The following CFAP61 variants were observed in gnomAD, a reference collection of about 807,000 sequenced individuals.
CFAP61 encodes the protein cilia- and flagella-associated protein 61.
CFAP61 carries 107 observed loss-of-function variants against 135.6 expected under a neutral mutation model. The observed-to-expected ratio is 0.79, with a 90% CI of 0.67 to 0.93. The LOEUF (loss-of-function observed/expected upper bound fraction) is 0.93. Ranked by LOEUF, CFAP61 falls within the 40% of genes least tolerant of loss-of-function variation. CFAP61 has a pLI of 0.00. For missense variants in CFAP61, 1,507 were observed against 1,556.2 expected (o/e 0.97, Z 0.53); for synonymous variants, 575 against 578.5 (o/e 0.99, Z 0.09).
intron 8 of CFAP61, among the ~76,000 whole-genome samples, chr20:20,117,807 C>A (rs1295694280): frequency 1.3e-5 from 2 of 151,828 alleles, no homozygotes; most frequent in Non-Finnish European, 2.9e-5. Flanking sequence ...TCTTTCATTT[C>A]TTTGGTGAAA....
intron 25 of CFAP61, among the ~76,000 whole-genome samples, chr20:20,312,788 A>C (rs2056906055): frequency 6.6e-6 from 1 of 152,248 alleles, no homozygotes; most frequent in Non-Finnish European, 1.5e-5. Context: ...AAAACAGTGG[A>C]GCAACATTGT....
chr20:20,082,646 G>C (rs778438598), intron 6 of CFAP61, among the ~76,000 whole-genome samples: 4 of 152,178 alleles, frequency 2.6e-5, no homozygotes, highest in African/African-American at 9.6e-5. Context: ...TTCAAACAAT[G>C]TTGTGAAATA....
At chr20:20,214,410 C>T (rs1274095980) in intron 17 of CFAP61, 1 of 152,240 alleles carries the variant, frequency 6.6e-6, no homozygotes, top group Non-Finnish European at 1.5e-5. Flanking sequence ...GAATGGTCAC[C>T]CCCTCCTCAG....
rs2055618547 is a variant in CFAP61 at position 20,187,798 on chromosome 20, C to G, written c.1386-132C>G. 3 of 661,306 alleles carry G rather than the reference C, an allele frequency of 4.5e-6. No individual in the cohort carries two copies. The Admixed American group carries it at 8.6e-5, about 19-fold the overall frequency. 41.0% of individuals were successfully genotyped at this position (661,306 alleles called of 1,614,324 possible). On this transcript the variant is annotated intron_variant, in intron 13 of 26. Transcript: ENST00000245957. ...TGAGTTACTTTTATAATTACTCAAA[C>G]CCCAGTGTTATATAAACATACTTTA...
chr20:20,289,018 C>T, intron 23 of CFAP61, 82 bp downstream of exon 23: 2 of 1,168,414 alleles, frequency 1.7e-6, no homozygotes, highest in Non-Finnish European at 2.4e-6. Flanking sequence ...CCAGGTTTCT[C>T]TTAGGCTTGG....
chr20:20,176,393 C>G (rs749301401), intron 13 of CFAP61, among the ~76,000 whole-genome samples: 2 of 108,086 alleles, frequency 1.9e-5, no homozygotes, highest in East Asian at 2.0e-4. Flanking sequence ...ATTTTACATG[C>G]ACGCATATGT....
intron 8 of CFAP61, among the ~76,000 whole-genome samples, chr20:20,127,353 T>C (rs781235449): frequency 4.6e-5 from 7 of 151,760 alleles, no homozygotes; most frequent in Non-Finnish European, 7.3e-5. Context: ...GTAGGCTCTG[T>C]CAGAGGGAAA....
intron 15 of CFAP61, among the ~76,000 whole-genome samples, chr20:20,193,087 T>G (rs1336081400): frequency 1.3e-5 from 2 of 152,164 alleles, no homozygotes; most frequent in East Asian, 1.9e-4. Flanking sequence ...GTGGTCATCT[T>G]AGGATTCTTT....
intron 25 of CFAP61, among the ~76,000 whole-genome samples, chr20:20,300,105 C>T (rs73285373): frequency 0.038 from 5,805 of 152,242 alleles, 379 homozygotes; most frequent in African/African-American, 0.13. Flanking sequence ...ACATGACTCA[C>T]GTGTTTGTGG....
chr20:20,296,320 T>TTCCCTTCCTTCCTTCCTTCCC lies in CFAP61; in HGVS notation c.3217-1858_3217-1857insCTTCCTTCCTTCCTTCCCTCC, dbSNP rs1377580319. Among the ~76,000 whole-genome samples, 12 of 54,716 alleles carry TTCCCTTCCTTCCTTCCTTCCC rather than the reference T, an allele frequency of 2.2e-4. 1 individual carries two copies. In the East Asian group the frequency reaches 4.6e-3, roughly 21 times the overall value. 35.9% of individuals were successfully genotyped at this position (54,716 alleles called of 152,430 possible). A position where few individuals can be genotyped will look rare whatever the true frequency, so the allele number is the denominator to read the frequency against. Reference sequence around the variant, plus strand: ...TTCCCTTCCTTCCTTCCTTCCCTCCTTCCTTCCCTTCCTTCCTTCCTTGCT... The same window carrying TTCCCTTCCTTCCTTCCTTCCC: ...TTCCCTTCCTTCCTTCCTTCCCTCCTTCCCTTCCTTCCTTCCTTCCCTCCTTCCCTTCCTTCCTTCCTTGCT... On this transcript the variant is annotated intron_variant, in intron 24 of 26. Coordinates refer to ENST00000245957, the MANE Select transcript of CFAP61 (RefSeq NM_015585.4).
intron 8 of CFAP61, among the ~76,000 whole-genome samples, chr20:20,132,049 G>T (rs2050572344): frequency 6.6e-6 from 1 of 151,952 alleles, no homozygotes; most frequent in East Asian, 1.9e-4. Context: ...GTAAATGAAA[G>T]GTTATACCTA....
chr20:20,169,450 G>C lies in CFAP61; in HGVS notation c.1375G>C (p.Gly459Arg). ...GGACCTCTACGTCTTCCACCGGGCTGGATTGCTCAAGTGAGTAGACACATG... is the reference window on the plus strand; with the variant it reads ...GGACCTCTACGTCTTCCACCGGGCTCGATTGCTCAAGTGAGTAGACACATG... ...EQDLYVFHRA[G>R]LLKSINIRFA... The change falls in exon 13 of 27, where the codon GGA (glycine) becomes CGA (arginine). Residue 459 changes from glycine to arginine, a missense_variant. Physicochemically the swap from Gly to Arg is moderately radical, Grantham distance 125 (BLOSUM62 -2). Transcript: ENST00000245957. The C allele has an allele frequency of 6.2e-7, 1 of 1,612,602 alleles. No individual in the cohort carries two copies. Among genetic ancestry groups the C allele is most frequent in the Non-Finnish European group, 8.5e-7 (1 of 1,179,258 alleles).
At chr20:20,348,790 A>G (rs2058729553) in intron 26 of CFAP61, among the ~76,000 whole-genome samples, 1 of 128,418 alleles carries the variant, frequency 7.8e-6, no homozygotes, top group South Asian at 2.8e-4. Flanking sequence ...TCTTATGGTA[A>G]AAACACTAAA....
At chr20:20,262,267 G>A (rs539778015) in intron 20 of CFAP61, among the ~76,000 whole-genome samples, 1 of 152,270 alleles carries the variant, frequency 6.6e-6, no homozygotes, top group South Asian at 2.1e-4. Flanking sequence ...GGTGGAAGAG[G>A]CACTGCTCAA....
intron 9 of CFAP61, among the ~76,000 whole-genome samples, chr20:20,154,342 A>T (rs111544278): frequency 0.012 from 1,874 of 152,144 alleles, 48 homozygotes; most frequent in African/African-American, 0.044. Context: ...CATAGTACTT[A>T]ATGTCCTAGC....
rs553383651 is a variant in CFAP61 at position 20,321,197 on chromosome 20, G to C, written c.3423-20634G>C. Among the ~76,000 whole-genome samples the C allele has an allele frequency of 2.0e-5, 3 of 152,040 alleles. No individual in the cohort carries two copies. The South Asian group carries it at 6.2e-4, about 32-fold the overall frequency. The stretch of plus-strand genomic sequence containing the variant: ...GAAGTGAGGGTTTGTGTTTTAAAAA[G>C]ATAAAACTTCATTTATCATAACAAG... On this transcript the variant is annotated intron_variant, in intron 25 of 26. Coordinates refer to ENST00000245957, the MANE Select transcript of CFAP61 (RefSeq NM_015585.4).
intron 8 of CFAP61, among the ~76,000 whole-genome samples, chr20:20,131,462 G>A (rs1417245220): frequency 4.0e-5 from 6 of 151,866 alleles, no homozygotes. Flanking sequence ...AACTTTTAAT[G>A]TTCAAAGTAG....
At chr20:20,166,531 A>C (rs1190488096) in intron 12 of CFAP61, 95 bp downstream of exon 12, 2 of 985,028 alleles carry the variant, frequency 2.0e-6, no homozygotes, top group East Asian at 4.9e-5. Flanking sequence ...GTGAATGTTG[A>C]GGTTTGTGTT....
intron 25 of CFAP61, among the ~76,000 whole-genome samples, chr20:20,332,090 A>G (rs1225484912): frequency 6.6e-6 from 1 of 152,206 alleles, no homozygotes; most frequent in African/African-American, 2.4e-5. Context: ...CCCCTAAGAA[A>G]CCAGCAATGT....
Sources: gnomAD v4.1 joint callset for allele counts (sites outside exome capture counted in the v4.1 genomes callset) on GRCh38, gnomAD v4.1.1 for gene constraint, MANE v1.5 for transcripts, NCBI Gene and HGNC (gene_info 2026-07-23, HGNC 2026-07-21) for gene names.